Variants in BRIP1 observed in about 807,000 individuals in gnomAD.
BRIP1 encodes BRCA1 interacting DNA helicase 1.
BRIP1 carries 88 observed loss-of-function variants against 119.7 expected under a neutral mutation model. The observed-to-expected ratio is 0.74, with a 90% CI of 0.62 to 0.88. The LOEUF is 0.88. BRIP1 is among the 40% of genes least tolerant of loss of function. The pLI is 0.00. For missense variants in BRIP1, 1,259 were observed against 1,455.4 expected (o/e 0.87, Z 2.20); for synonymous variants, 443 against 496.5 (o/e 0.89, Z 1.43).
At chr17:61,858,866 C>T (rs2078935108) in intron 3 of BRIP1, among the ~76,000 whole-genome samples, 1 of 151,904 alleles carries the variant, frequency 6.6e-6, no homozygotes, top group African/African-American at 2.4e-5. Flanking sequence ...TATAGTCTTT[C>T]ATAGAAGTAA....
rs1165048016 is a variant in BRIP1 at position 61,853,543 on chromosome 17, A to T, written c.379+3515T>A. ...TACAACCTTGATTTTTCCCATTTAGACTATTCTAAATAACACTGACTCACA... is the reference window on the plus strand; with the variant it reads ...TACAACCTTGATTTTTCCCATTTAGTCTATTCTAAATAACACTGACTCACA... On this transcript the variant is annotated intron_variant, in intron 4 of 19. Coordinates refer to ENST00000259008, the MANE Select transcript of BRIP1 (RefSeq NM_032043.3). This position sits in a 1 kb window ranked among gnomAD's most constrained non-coding sequence, Gnocchi z 4.3. Among the ~76,000 whole-genome samples the T allele has an allele frequency of 6.6e-6, 1 of 152,218 alleles. No individual in the cohort carries two copies. The highest frequency in any genetic ancestry group is 2.4e-5 in the African/African-American group (1 of 41,452).
At chr17:61,792,699 G>T (rs966761566) in intron 10 of BRIP1, among the ~76,000 whole-genome samples, 2 of 152,128 alleles carry the variant, frequency 1.3e-5, no homozygotes, top group African/African-American at 4.8e-5. Context: ...ATGAATAGGT[G>T]TAACACAGAA....
chr17:61,830,728 A>T (rs976694436), intron 6 of BRIP1, among the ~76,000 whole-genome samples: 2 of 152,226 alleles, frequency 1.3e-5, no homozygotes, highest in African/African-American at 2.4e-5. Flanking sequence ...GGTGAATTCT[A>T]TCAAAAATTT....
In BRIP1 at chr17:61,736,981, A is replaced by G. The variant is rs1450754748; in HGVS notation, c.2379+6032T>C. Reference sequence around the variant, plus strand: ...TTAAAAACTAACAGCCACACAAAGTATAAAGATGGAATCTGTGACAATAAC... The same window carrying G: ...TTAAAAACTAACAGCCACACAAAGTGTAAAGATGGAATCTGTGACAATAAC... On this transcript the variant is annotated intron_variant, in intron 16 of 19. Transcript: ENST00000259008. The surrounding 1 kb of genome is among the most constrained non-coding windows in gnomAD (Gnocchi z 4.4). 6.6e-6 allele frequency among the ~76,000 whole-genome samples: 1 copy of G among 152,202 alleles called. No homozygotes were observed. Among genetic ancestry groups the G allele is most frequent in the African/African-American group, 2.4e-5 (1 of 41,460 alleles).
intron 17 of BRIP1, among the ~76,000 whole-genome samples, chr17:61,697,781 TTTA>T (rs537912910): frequency 1.3e-5 from 2 of 152,202 alleles, no homozygotes; most frequent in East Asian, 1.9e-4. Context: ...ATTCCAGATG[TTTA>T]TTCTTTTAAA....
Position 61,683,758 on chromosome 17 carries a change from T to C in BRIP1, c.3288A>G (p.Glu1096=). Residue 1096 remains glutamate (E), a synonymous_variant, in exon 20 of 20, where the codon GAA becomes GAG. Transcript: ENST00000259008. The surrounding 1 kb of genome is among the most constrained non-coding windows in gnomAD (Gnocchi z 4.7). ...ATTCAATGTCTGGATCCAGGGCTTC[T>C]TCAGAACAGAGCGGATGTTCAGAAT... ...KNHSEHPLCS[E]EALDPDIELS... The C allele has an allele frequency of 6.2e-7, 1 of 1,614,210 alleles. No homozygotes were observed. The highest frequency in any genetic ancestry group is 1.1e-5 in the South Asian group (1 of 91,088).
intron 16 of BRIP1, among the ~76,000 whole-genome samples, chr17:61,731,981 CTTTT>C (rs71299809): frequency 3.3e-3 from 274 of 82,982 alleles, no homozygotes; most frequent in African/African-American, 0.014. Flanking sequence ...TTCTTTCTTT[CTTTT>C]TTTTTTTTTT....
intron 17 of BRIP1, among the ~76,000 whole-genome samples, chr17:61,702,818 C>T (rs2061634188): frequency 1.3e-5 from 2 of 151,088 alleles, no homozygotes; most frequent in Admixed American, 6.6e-5. Context: ...TTTGGGTATA[C>T]ACCCAATAAT....
Position 61,713,818 on chromosome 17 carries a change from C to G in BRIP1, c.2492+2133G>C, listed in dbSNP as rs912423797. 6.6e-6 allele frequency among the ~76,000 whole-genome samples: 1 copy of G among 151,314 alleles called. No homozygotes were observed. The highest frequency in any genetic ancestry group is 1.5e-5 in the Non-Finnish European group (1 of 67,862). ...TTACAGGCTTCAGCTATTGCGCTCC[C>G]CATGTCTTCATTTTTAACAGAAAAG... On this transcript the variant is annotated intron_variant, in intron 17 of 19. Coordinates refer to ENST00000259008, the MANE Select transcript of BRIP1 (RefSeq NM_032043.3). The surrounding 1 kb of genome is among the most constrained non-coding windows in gnomAD (Gnocchi z 4.9).
At chr17:61,835,147 G>A (rs2078553079) in intron 6 of BRIP1, among the ~76,000 whole-genome samples, 1 of 146,832 alleles carries the variant, frequency 6.8e-6, no homozygotes, top group African/African-American at 2.5e-5. Context: ...TCAGAAAAAA[G>A]TTATTTAGAA....
chr17:61,738,637 C>G lies in BRIP1; in HGVS notation c.2379+4376G>C, dbSNP rs2076949283. Reference sequence around the variant, plus strand: ...CCTGAGGAAAAAAAGCATTAAGAACCCCAGATTGGTATAATAACAATGTTC... The same window carrying G: ...CCTGAGGAAAAAAAGCATTAAGAACGCCAGATTGGTATAATAACAATGTTC... On this transcript the variant is annotated intron_variant, in intron 16 of 19. Coordinates refer to ENST00000259008, the MANE Select transcript of BRIP1 (RefSeq NM_032043.3). The surrounding 1 kb of genome is among the most constrained non-coding windows in gnomAD (Gnocchi z 4.2). Among the ~76,000 whole-genome samples, 1 of 151,906 alleles carries G rather than the reference C, an allele frequency of 6.6e-6. No homozygotes were observed.
At chr17:61,813,975 C>A (rs2078202119) in intron 6 of BRIP1, among the ~76,000 whole-genome samples, 1 of 151,998 alleles carries the variant, frequency 6.6e-6, no homozygotes, top group African/African-American at 2.4e-5. Context: ...GTATGATCTT[C>A]ATAAAAATTG....
intron 11 of BRIP1, 38 bp downstream of exon 11, chr17:61,784,232 T>C: frequency 1.3e-6 from 2 of 1,587,020 alleles, no homozygotes; most frequent in Non-Finnish European, 1.7e-6. Flanking sequence ...ATTAGGCTAT[T>C]TTTAAAAGGA....
chr17:61,727,593 C>T (rs2076782888), intron 16 of BRIP1, among the ~76,000 whole-genome samples: 1 of 151,922 alleles, frequency 6.6e-6, no homozygotes, highest in Non-Finnish European at 1.5e-5. Context: ...ATAGCAAGAC[C>T]CTGTCTCTAC....
At chr17:61,711,680 C>T (rs1357136840) in intron 17 of BRIP1, among the ~76,000 whole-genome samples, 5 of 151,886 alleles carry the variant, frequency 3.3e-5, no homozygotes, top group African/African-American at 1.2e-4. Context: ...ACCAGCCTGG[C>T]CAACATAGCG....
rs531867212 is a variant in BRIP1, at chr17:61,717,299, C to T, written c.2380-1236G>A. 4.6e-5 allele frequency among the ~76,000 whole-genome samples: 7 copies of T among 152,038 alleles called. No homozygotes were observed. The highest frequency in any genetic ancestry group is 4.2e-4 in the South Asian group (2 of 4,818). On this transcript the variant is annotated intron_variant, in intron 16 of 19. Transcript: ENST00000259008. This position sits in a 1 kb window ranked among gnomAD's most constrained non-coding sequence, Gnocchi z 4.1. ...CAAAAGATTATCTTTTAAAATATACCGTATTTACCCACAGATTTACCATTT... is the reference window on the plus strand; with the variant it reads ...CAAAAGATTATCTTTTAAAATATACTGTATTTACCCACAGATTTACCATTT...
rs534586629 is a variant in BRIP1, at chr17:61,793,472, T to C, written c.1473+125A>G. 2.8e-5 allele frequency: 24 copies of C among 850,656 alleles called. No individual in the cohort carries two copies. The South Asian group carries it at 3.4e-4, about 12-fold the overall frequency. 52.7% of individuals were successfully genotyped at this position (850,656 alleles called of 1,614,324 possible). A position where few individuals can be genotyped will look rare whatever the true frequency, so the allele number is the denominator to read the frequency against. On this transcript the variant is annotated intron_variant, in intron 10 of 19. Coordinates refer to ENST00000259008, the MANE Select transcript of BRIP1 (RefSeq NM_032043.3). This position sits in a 1 kb window ranked among gnomAD's most constrained non-coding sequence, Gnocchi z 5.2. Reference sequence around the variant, plus strand: ...ATTATCAAATTTAGATAATAAAATTTTTAAAAAATTAAATTGCTATATTTA... The same window carrying C: ...ATTATCAAATTTAGATAATAAAATTCTTAAAAAATTAAATTGCTATATTTA...
At position 61,751,730 on chromosome 17, in the gene BRIP1, AC is replaced by A. The variant is rs1326875472; in HGVS notation, c.2098-7140del. Among the ~76,000 whole-genome samples the A allele has an allele frequency of 6.6e-6, 1 of 152,068 alleles. No individual in the cohort carries two copies. The highest frequency in any genetic ancestry group is 1.5e-5 in the Non-Finnish European group (1 of 68,012). On this transcript the variant is annotated intron_variant, in intron 14 of 19. Transcript: ENST00000259008. This position sits in a 1 kb window ranked among gnomAD's most constrained non-coding sequence, Gnocchi z 6.7. ...ACTTTAAAAAACTCATGAAACTAAT[AC>A]CTTTAGCTTTAGGGGGATACAATTG...
rs574725345 is a variant in BRIP1, at chr17:61,690,858, A to G, written c.2575+2572T>C. ...GTAAAGTTGCAGAATACAAAAATCA[A>G]TGTACAACAATCACTTGCAATTCTA... On this transcript the variant is annotated intron_variant, in intron 18 of 19. Transcript: ENST00000259008. This position sits in a 1 kb window ranked among gnomAD's most constrained non-coding sequence, Gnocchi z 5.6. Among the ~76,000 whole-genome samples the G allele has an allele frequency of 3.9e-5, 6 of 152,346 alleles. No individual in the cohort carries two copies. The highest frequency in any genetic ancestry group is 7.3e-5 in the Non-Finnish European group (5 of 68,032).
Sources: gnomAD v4.1 joint callset for allele counts (sites outside exome capture counted in the v4.1 genomes callset) on GRCh38, gnomAD v4.1.1 for gene constraint, Gnocchi (gnomAD v3.1) non-coding constraint, MANE v1.5 for transcripts, NCBI Gene and HGNC (gene_info 2026-07-23, HGNC 2026-07-21) for gene names.